Variants in ST14 observed in about 807,000 individuals in gnomAD.
ST14 encodes the protein suppressor of tumorigenicity 14 protein.
ST14 carries 40 observed loss-of-function variants against 96.5 expected under a neutral mutation model. The ratio of observed to expected loss-of-function variants is 0.41; its 90% CI spans 0.32 to 0.54. The LOEUF (loss-of-function observed/expected upper bound fraction) is 0.54. Ranked by LOEUF, ST14 falls within the 20% of genes least tolerant of loss-of-function variation. The pLI is 0.17. For synonymous variants in ST14, 506 were observed against 492.1 expected (o/e 1.03, Z -0.37); for missense variants, 1,066 against 1,188.9 (o/e 0.90, Z 1.52).
chr11:130,188,179 G>A lies in ST14; in HGVS notation c.147G>A (p.Lys49=), dbSNP rs1401771664. ...TCAACAACGTCAAGAAGGTGGAAAA[G>A]CATGGCCCGGGGCGCTGGGTGGTGC... is the stretch of plus-strand genomic sequence containing the variant. ...LPVNNVKKVE[K]HGPGRWVVLA... is the part of the protein sequence containing the mutation. The change falls in exon 2 of 19, where the codon AAG becomes AAA. Residue 49 remains lysine (K), a synonymous_variant. Transcript: ENST00000278742. The surrounding 1 kb of genome is among the most constrained non-coding windows in gnomAD (Gnocchi z 5.4). The A allele has an allele frequency of 6.2e-7, 1 of 1,614,122 alleles. No individual in the cohort carries two copies. The highest frequency in any genetic ancestry group is 1.7e-5 in the Admixed American group (1 of 60,012).
At position 130,206,899 on chromosome 11, in the gene ST14, T is replaced by C. The variant is rs73038988; in HGVS notation, c.1995-1511T>C. 3.9e-3 allele frequency among the ~76,000 whole-genome samples: 587 copies of C among 152,280 alleles called. 2 individuals carry two copies. Among genetic ancestry groups the C allele is most frequent in the Middle Eastern group, 0.014 (4 of 294 alleles). ...TGCTTTTTCTCTGTAAAGAATAGCT[T>C]TCCTTTTCCCTGTATAAATTCTTTT... On this transcript the variant is annotated intron_variant, in intron 16 of 18. Coordinates refer to ENST00000278742, the MANE Select transcript of ST14 (RefSeq NM_021978.4).
chr11:130,179,959 G>A (rs1246410112), intron 1 of ST14, among the ~76,000 whole-genome samples: 1 of 152,208 alleles, frequency 6.6e-6, no homozygotes, highest in Admixed American at 6.5e-5. Flanking sequence ...TTCTTCCCCG[G>A]GGAAACCCTT....
chr11:130,169,901 C>A (rs1374206958), intron 1 of ST14, among the ~76,000 whole-genome samples: 1 of 152,160 alleles, frequency 6.6e-6, no homozygotes, highest in Non-Finnish European at 1.5e-5. Context: ...TTTGGGGGAT[C>A]TGCCTGTTTG....
intron 17 of ST14, among the ~76,000 whole-genome samples, chr11:130,209,127 G>A (rs1047891667): frequency 1.3e-5 from 2 of 152,140 alleles, no homozygotes; most frequent in Non-Finnish European, 2.9e-5. Flanking sequence ...AGGACTTACA[G>A]CTCCAATGCC....
intron 16 of ST14, among the ~76,000 whole-genome samples, chr11:130,207,045 A>G (rs998171797): frequency 2.6e-5 from 4 of 152,154 alleles, no homozygotes; most frequent in Admixed American, 1.3e-4. Flanking sequence ...TCCTAACTTT[A>G]GCCAGCTTTG....
At position 130,208,659 on chromosome 11, in the gene ST14, G is replaced by C. The variant is rs779634882; in HGVS notation, c.2244G>C (p.Thr748=). The C allele has an allele frequency of 5.0e-6, 8 of 1,613,678 alleles. No individual in the cohort carries two copies. Among genetic ancestry groups the C allele is most frequent in the East Asian group, 4.5e-5 (2 of 44,886 alleles). ...CTGCCGGCAAGGCCATCTGGGTCAC[G>C]GGCTGGGGACACACCCAGTATGGAG... is the stretch of plus-strand genomic sequence containing the variant. ...VFPAGKAIWV[T]GWGHTQYGGT... The change falls in exon 17 of 19, where the codon ACG becomes ACC. Residue 748 remains threonine, a synonymous_variant. Transcript: ENST00000278742.
chr11:130,189,394 A>G (rs1327281972), intron 4 of ST14: 1 of 465,366 alleles, frequency 2.1e-6, no homozygotes, highest in Non-Finnish European at 3.9e-6. Context: ...GGCAGGTGGC[A>G]TTCCCAGTTC....
rs1386490783 is a variant in ST14 at position 130,196,690 on chromosome 11, C to T, written c.1344C>T (p.Asp448=). The T allele has an allele frequency of 2.5e-6, 4 of 1,614,130 alleles. No homozygotes were observed. Among genetic ancestry groups the T allele is most frequent in the Non-Finnish European group, 2.5e-6 (3 of 1,180,060 alleles). Residue 448 remains aspartate, a synonymous_variant, in exon 11 of 19, where the codon GAC becomes GAT. Coordinates refer to ENST00000278742, the MANE Select transcript of ST14 (RefSeq NM_021978.4). ...TGFLAEYLSY[D]SSDPCPGQFT... ...TCTTAGCTGAATACCTCTCCTACGA[C>T]TCCAGTGACCGTGAGTGAACATTGT...
intron 1 of ST14, among the ~76,000 whole-genome samples, chr11:130,171,760 C>G (rs138212007): frequency 6.6e-6 from 1 of 152,256 alleles, no homozygotes; most frequent in African/African-American, 2.4e-5. Flanking sequence ...GGCACACAGG[C>G]TGAAGCCACT....
rs781727660 is a variant in ST14 at position 130,188,718 on chromosome 11, C to A, written c.369+61C>A. The A allele has an allele frequency of 7.4e-6, 12 of 1,613,116 alleles. No homozygotes were observed. The highest frequency in any genetic ancestry group is 1.0e-5 in the Non-Finnish European group (12 of 1,179,668). On this transcript the variant is annotated intron_variant, in intron 3 of 18. Coordinates refer to ENST00000278742, the MANE Select transcript of ST14 (RefSeq NM_021978.4). The surrounding 1 kb of genome is among the most constrained non-coding windows in gnomAD (Gnocchi z 5.4). ...GTGCGCTGGTGTCCCACCTGCTGGG[C>A]AGGAGGGACATGCCTCGCCTGTGCT...
intron 9 of ST14, among the ~76,000 whole-genome samples, chr11:130,195,074 C>T (rs911737837): frequency 2.0e-5 from 3 of 152,116 alleles, no homozygotes; most frequent in South Asian, 2.1e-4. Context: ...ATAGTGAGAC[C>T]TCATCTCTAC....
intron 16 of ST14, among the ~76,000 whole-genome samples, chr11:130,201,005 A>G (rs956018643): frequency 1.3e-5 from 2 of 152,248 alleles, no homozygotes; most frequent in African/African-American, 2.4e-5. Context: ...TTCTTCACCA[A>G]TGATAGTGAC....
At chr11:130,196,213 A>G (rs1389699242) in intron 9 of ST14, 126 bp from the exon 10 acceptor site, 8 of 753,168 alleles carry the variant, frequency 1.1e-5, no homozygotes, top group Non-Finnish European at 1.8e-5. Flanking sequence ...AGAACTTTGC[A>G]ACCTGTCTTG....
At chr11:130,198,035 A>G in intron 12 of ST14, 90 bp downstream of exon 12, 1 of 1,364,054 alleles carries the variant, frequency 7.3e-7, no homozygotes, top group Non-Finnish European at 1.0e-6. Flanking sequence ...CCGAGGCAGA[A>G]AGGCCGGAGG....
intron 1 of ST14, among the ~76,000 whole-genome samples, chr11:130,176,788 C>CT (rs56764956): frequency 0.03 from 1,757 of 59,242 alleles, 487 homozygotes; most frequent in Non-Finnish European, 0.04. Context: ...TAGGGCTTAA[C>CT]TTTTTTTTTT....
At chr11:130,173,892 C>T (rs1953114840) in intron 1 of ST14, among the ~76,000 whole-genome samples, 1 of 152,246 alleles carries the variant, frequency 6.6e-6, no homozygotes, top group Non-Finnish European at 1.5e-5. Flanking sequence ...TGGTTTACCC[C>T]ACAAGACCAG....
rs567676740 is a variant in ST14, at chr11:130,189,387, A to C, written c.441-352A>C. The C allele has an allele frequency of 1.1e-5, 5 of 459,416 alleles. No homozygotes were observed. In the Admixed American group the frequency reaches 1.5e-4, roughly 14 times the overall value. 28.5% of individuals were successfully genotyped at this position (459,416 alleles called of 1,614,324 possible). On this transcript the variant is annotated intron_variant, in intron 4 of 18. Transcript: ENST00000278742. The stretch of plus-strand genomic sequence containing the variant: ...TGAACCCTGGGGAATGCTGTGTGGC[A>C]GGTGGCATTCCCAGTTCCTTTCTCA...
rs1326748248 is a variant in ST14 at position 130,181,221 on chromosome 11, G to A, written c.82-6893G>A. ...GGTGGTCTGATCTCGCCCCTGCTGG[G>A]TGAGATAGTGGTGGTCCCTGTTAGA... is the stretch of plus-strand genomic sequence containing the variant. On this transcript the variant is annotated intron_variant, in intron 1 of 18. Transcript: ENST00000278742. The surrounding 1 kb of genome is among the most constrained non-coding windows in gnomAD (Gnocchi z 4.1). 1.3e-5 allele frequency among the ~76,000 whole-genome samples: 2 copies of A among 152,188 alleles called. No individual in the cohort carries two copies. Among genetic ancestry groups the A allele is most frequent in the African/African-American group, 2.4e-5 (1 of 41,444 alleles).
chr11:130,196,672 T>G lies in ST14; in HGVS notation c.1326T>G (p.Ala442=). ...CCTACACCGACACCGGCTTCTTAGC[T>G]GAATACCTCTCCTACGACTCCAGTG... The part of the protein sequence containing the change: ...DQSYTDTGFL[A]EYLSYDSSDP... The change falls in exon 11 of 19, where the codon GCT becomes GCG. Residue 442 remains alanine, a synonymous_variant. Transcript: ENST00000278742. 1 of 1,614,204 alleles carries G rather than the reference T, an allele frequency of 6.2e-7. No homozygotes were observed. Among genetic ancestry groups the G allele is most frequent in the Non-Finnish European group, 8.5e-7 (1 of 1,180,034 alleles).
Sources: gnomAD v4.1 joint callset for allele counts (sites outside exome capture counted in the v4.1 genomes callset) on GRCh38, gnomAD v4.1.1 for gene constraint, Gnocchi (gnomAD v3.1) non-coding constraint, MANE v1.5 for transcripts, NCBI Gene and HGNC (gene_info 2026-07-23, HGNC 2026-07-21) for gene names.